TAB2: variants seen among roughly 807,000 people sequenced by gnomAD.
TAB2 encodes the protein TGF-beta activated kinase 1 (MAP3K7) binding protein 2.
Under a neutral mutation model 65.0 loss-of-function variants are expected in TAB2, and 3 were observed. The observed-to-expected ratio is 0.05, with a 90% confidence interval of 0.02 to 0.12. TAB2 has a LOEUF of 0.12. TAB2 is among the 10% of genes least tolerant of loss of function. The probability of loss-of-function intolerance (pLI) is 1.00; values close to 1 mark genes in which losing one functional copy is unlikely to be tolerated. For missense variants in TAB2, 623 were observed against 840.3 expected, an observed-to-expected ratio of 0.74 and a Z score of 3.20; for synonymous variants, 298 against 285.1, an observed-to-expected ratio of 1.05 and a Z score of -0.46.
At chr6:149,274,275 A>G (rs1402157219) in intron 1 of TAB2, among the ~76,000 whole-genome samples, 2 of 152,234 alleles carry the variant, frequency 1.3e-5, no homozygotes, top group South Asian at 4.1e-4. Context: ...CCTGTTGCTA[A>G]AGTATGTCAT....
chr6:149,404,593 A>C (rs984755236), intron 6 of TAB2, among the ~76,000 whole-genome samples: 2 of 152,220 alleles, frequency 1.3e-5, no homozygotes, highest in African/African-American at 4.8e-5. Context: ...CATATTGACC[A>C]ATGGAACAGA....
At chr6:149,235,846 G>A (rs1270220902) in intron 1 of TAB2, among the ~76,000 whole-genome samples, 1 of 152,194 alleles carries the variant, frequency 6.6e-6, no homozygotes, top group African/African-American at 2.4e-5. Context: ...TCTGGCAGAA[G>A]GACCTTCAAG....
intron 2 of TAB2, among the ~76,000 whole-genome samples, chr6:149,376,166 T>C (rs1781389771): frequency 6.6e-6 from 1 of 152,210 alleles, no homozygotes. Context: ...TAAAATTTAT[T>C]TCCATTATCA....
chr6:149,341,544 G>A (rs1374641444), intron 1 of TAB2, among the ~76,000 whole-genome samples: 2 of 152,154 alleles, frequency 1.3e-5, no homozygotes, highest in African/African-American at 4.8e-5. Context: ...GTACAGCAGG[G>A]TGGGTAGTGA....
At chr6:149,263,949 T>C (rs1778207464) in intron 1 of TAB2, among the ~76,000 whole-genome samples, 1 of 152,172 alleles carries the variant, frequency 6.6e-6, no homozygotes, top group Non-Finnish European at 1.5e-5. Flanking sequence ...CTTCTTTCCA[T>C]GGCATCTTCC....
chr6:149,234,038 C>A (rs1001344054), intron 1 of TAB2, among the ~76,000 whole-genome samples: 13 of 152,084 alleles, frequency 8.5e-5, no homozygotes, highest in South Asian at 4.1e-4. Flanking sequence ...ATTTTTTTAA[C>A]CTTTTAATAA....
chr6:149,280,444 G>T (rs1778552760), intron 1 of TAB2, among the ~76,000 whole-genome samples: 3 of 152,162 alleles, frequency 2.0e-5, no homozygotes, highest in African/African-American at 4.8e-5. Context: ...TCCTCCGCAT[G>T]GTGCTTAACC....
intron 1 of TAB2, among the ~76,000 whole-genome samples, chr6:149,357,430 A>AAAAAAAAAAAAACAC: frequency 9.0e-6 from 1 of 111,186 alleles, no homozygotes; most frequent in African/African-American, 3.4e-5. Context: ...AGAAAAAAAA[A>AAAAAAAAAAAAACAC]ACACACACAC....
At chr6:149,275,020 C>T (rs1778428398) in intron 1 of TAB2, among the ~76,000 whole-genome samples, 1 of 151,844 alleles carries the variant, frequency 6.6e-6, no homozygotes, top group Admixed American at 6.6e-5. Context: ...CACCCCACTG[C>T]AGGACAAGGG....
chr6:149,278,165 T>C (rs147861887), intron 1 of TAB2, among the ~76,000 whole-genome samples: 51 of 152,344 alleles, frequency 3.3e-4, no homozygotes, highest in Non-Finnish European at 5.6e-4. Flanking sequence ...TAGGTTACTA[T>C]AATTATCATT....
chr6:149,218,267 G>A (rs1777063854), upstream of TAB2, among the ~76,000 whole-genome samples: 1 of 152,130 alleles, frequency 6.6e-6, no homozygotes, highest in South Asian at 2.1e-4. Flanking sequence ...CGGATAGGTT[G>A]GTTCTTGGCC....
chr6:149,285,086 C>T (rs1405328322), intron 1 of TAB2, among the ~76,000 whole-genome samples: 5 of 152,188 alleles, frequency 3.3e-5, no homozygotes. Flanking sequence ...TTCTGTTCAG[C>T]CACTGACTCA....
At chr6:149,384,200 C>G (rs1170217791) in intron 3 of TAB2, among the ~76,000 whole-genome samples, 2 of 152,010 alleles carry the variant, frequency 1.3e-5, no homozygotes, top group Admixed American at 6.5e-5. Flanking sequence ...AATACTTTTT[C>G]CAAATTGAGA....
At chr6:149,408,574 T>C (rs1027387441) in intron 6 of TAB2, among the ~76,000 whole-genome samples, 7 of 152,204 alleles carry the variant, frequency 4.6e-5, no homozygotes, top group African/African-American at 1.7e-4. Flanking sequence ...TAATATACAT[T>C]GTTTTAACAT....
intron 1 of TAB2, chr6:149,247,958 A>C (rs967505081): frequency 3.3e-5 from 5 of 152,264 alleles, no homozygotes; most frequent in African/African-American, 1.2e-4. Flanking sequence ...TACCTAATGC[A>C]TGCAGGACTT....
chr6:149,339,592 TATTTATTTA>T lies in TAB2; in HGVS notation c.-90+21578_-90+21586del, dbSNP rs748135048. Among the ~76,000 whole-genome samples the T allele has an allele frequency of 2.6e-3, 365 of 137,998 alleles. 113 individuals carry two copies. Among genetic ancestry groups the T allele is most frequent in the Middle Eastern group, 7.2e-3 (2 of 276 alleles). The allele number at this position is 137,998 out of a possible 152,430, so 90.5% of individuals were successfully genotyped here. On this transcript the variant is annotated intron_variant, in intron 1 of 6. Transcript: ENST00000637181. ...GGCCCAATAATTAATCTTTTTTATT[TATTTATTTA>T]TTTATTTTTTTTTTTTTTTGAGACG... is the stretch of plus-strand genomic sequence containing the variant.
chr6:149,270,201 A>G (rs1359475671), intron 1 of TAB2, among the ~76,000 whole-genome samples: 2 of 152,196 alleles, frequency 1.3e-5, no homozygotes, highest in Non-Finnish European at 2.9e-5. Flanking sequence ...GCGATGTAAA[A>G]CATCTTTTTA....
At chr6:149,301,423 C>G (rs532287391) in intron 1 of TAB2, among the ~76,000 whole-genome samples, 5 of 152,096 alleles carry the variant, frequency 3.3e-5, no homozygotes, top group African/African-American at 4.8e-5. Context: ...GTTGTTGAAG[C>G]CTTCATATAT....
chr6:149,234,427 C>G (rs913515422), intron 1 of TAB2, among the ~76,000 whole-genome samples: 1 of 152,184 alleles, frequency 6.6e-6, no homozygotes, highest in African/African-American at 2.4e-5. Context: ...AAGTCAACCA[C>G]TGCCCACCCA....
Sources: allele counts gnomAD v4.1 joint callset (sites outside exome capture counted in the v4.1 genomes callset), GRCh38; gene constraint gnomAD v4.1.1; transcripts MANE v1.5; gene names NCBI Gene and HGNC (gene_info 2026-07-23, HGNC 2026-07-21).